The following FCAR variants were observed in gnomAD, a reference collection of about 807,000 sequenced individuals.
FCAR encodes immunoglobulin alpha Fc receptor.
A neutral mutation model predicts 27.1 loss-of-function variants in FCAR; 21 were observed. The observed-to-expected ratio is 0.77, with a 90% CI of 0.55 to 1.11. The LOEUF (loss-of-function observed/expected upper bound fraction) is 1.11. Ranked by LOEUF, FCAR falls within the 50% of genes most tolerant of loss-of-function variation. The pLI, the probability that FCAR is intolerant of heterozygous loss-of-function variation, is 0.00. For synonymous variants in FCAR, 134 were observed against 135.8 expected, an observed-to-expected ratio of 0.99 and a Z score of 0.09; for missense variants, 404 against 358.4, an observed-to-expected ratio of 1.13 and a Z score of -1.03.
rs2066856298 is a variant in FCAR at position 54,888,120 on chromosome 19, G to C, written c.475G>C (p.Ala159Pro). 2 of 1,613,942 alleles carry C rather than the reference G, an allele frequency of 1.2e-6. No individual in the cohort carries two copies. The highest frequency in any genetic ancestry group is 3.3e-5 in the Admixed American group (2 of 59,980). ...AHIPFDRFSL[A>P]KEGELSLPQH... ...CATCCCATTTGATAGATTTTCACTG[G>C]CCAAGGAGGGAGAACTTTCTCTGCC... Residue 159 changes from alanine (A) to proline (P), a missense_variant, in exon 4 of 5, where the codon GCC becomes CCC. Transcript: ENST00000355524.
chr19:54,882,794 G>A (rs1009448359), intron 2 of FCAR, among the ~76,000 whole-genome samples: 4 of 152,184 alleles, frequency 2.6e-5, no homozygotes, highest in Non-Finnish European at 2.9e-5. Context: ...CTGTGATGTC[G>A]GTTGAGTACA....
chr19:54,888,067 A>G lies in FCAR; in HGVS notation c.422A>G (p.Asn141Ser), dbSNP rs1343415406. The G allele has an allele frequency of 6.2e-7, 1 of 1,613,904 alleles. No homozygotes were observed. The highest frequency in any genetic ancestry group is 1.3e-5 in the African/African-American group (1 of 74,914). Residue 141 changes from asparagine (N) to serine (S), a missense_variant, in exon 4 of 5, where the codon AAT (asparagine) becomes AGT (serine). By Grantham distance (46) the Asn-to-Ser change is conservative. Coordinates refer to ENST00000355524, the MANE Select transcript of FCAR (RefSeq NM_002000.4). ...GGTCTGGTGTTGATGCCAGGAGAGA[A>G]TATTTCCCTCACGTGCAGCTCAGCA... The part of the protein sequence containing the change: ...DRGLVLMPGE[N>S]ISLTCSSAHI...
Position 54,890,801 on chromosome 19 carries a change from C to T in FCAR, c.*938C>T, listed in dbSNP as rs2067039082. 2 of 151,888 alleles carry T rather than the reference C, an allele frequency of 1.3e-5. No homozygotes were observed. The highest frequency in any genetic ancestry group is 4.2e-4 in the South Asian group (2 of 4,808). 9.4% of individuals were successfully genotyped at this position (151,888 alleles called of 1,614,324 possible). ...AAGCATGCCAAATATATTCAATAAC[C>T]CCCCTCCTTTATTTTTTTTTGTTGA... is the stretch of plus-strand genomic sequence containing the variant. On this transcript the variant is annotated 3_prime_UTR_variant, in exon 5 of 5. Transcript: ENST00000355524.
rs587769066 is a variant in FCAR, at chr19:54,886,598, G to A, written c.361+1073G>A. Among the ~76,000 whole-genome samples the A allele has an allele frequency of 2.0e-4, 31 of 152,058 alleles. No homozygotes were observed. The South Asian group carries it at 6.0e-3, about 29-fold the overall frequency. ...TGGGATTACTGGCGTGAGCCACCAC[G>A]CCCGGCCCCCGAAAATGCTGGGATT... On this transcript the variant is annotated intron_variant, in intron 3 of 4. Coordinates refer to ENST00000355524, the MANE Select transcript of FCAR (RefSeq NM_002000.4).
intron 2 of FCAR, among the ~76,000 whole-genome samples, chr19:54,882,438 T>G: frequency 6.8e-6 from 1 of 146,992 alleles, no homozygotes; most frequent in Non-Finnish European, 1.5e-5. Context: ...TTTTTTTTCT[T>G]TTTTTTTTCT....
chr19:54,885,669 C>T (rs925093000), intron 3 of FCAR, 144 bp downstream of exon 3: 2 of 622,058 alleles, frequency 3.2e-6, no homozygotes, highest in African/African-American at 3.7e-5. Context: ...CACCCCACTT[C>T]CCCCAGAGTT....
rs2066874870 is a variant in FCAR at position 54,888,300 on chromosome 19, T to C, written c.649+6T>C. Reference sequence around the variant, plus strand: ...CTTGGAGCTTGTGGTCACAGGTAGGTACCGCCCAGTCCAGCCCTGTGTCTG... The same window carrying C: ...CTTGGAGCTTGTGGTCACAGGTAGGCACCGCCCAGTCCAGCCCTGTGTCTG... On this transcript the variant is annotated splice_donor_region_variant and intron_variant, in intron 4 of 4. Transcript: ENST00000355524. The C allele has an allele frequency of 1.9e-6, 3 of 1,613,588 alleles. No individual in the cohort carries two copies. In the East Asian group the frequency reaches 6.7e-5, roughly 36 times the overall value.
At chr19:54,881,766 GGAGGAGGAT>G (rs1177163660) in intron 2 of FCAR, among the ~76,000 whole-genome samples, 1 of 152,178 alleles carries the variant, frequency 6.6e-6, no homozygotes, top group Non-Finnish European at 1.5e-5. Flanking sequence ...CAGCTACTCG[GGAGGAGGAT>G]GAGGCTGAGG....
At chr19:54,889,591 G>T (rs1381810118) in intron 4 of FCAR, 58 bp from the exon 5 acceptor site, 24 of 1,445,108 alleles carry the variant, frequency 1.7e-5, no homozygotes, top group Admixed American at 5.0e-5. Flanking sequence ...GGGCTCTGGG[G>T]TTGGGATGGA....
intron 3 of FCAR, among the ~76,000 whole-genome samples, chr19:54,887,731 A>G (rs2145928591): frequency 6.6e-6 from 1 of 151,104 alleles, no homozygotes; most frequent in African/African-American, 2.4e-5. Context: ...AGCCTGACCA[A>G]CATGGAGAGA....
rs1414159887 is a variant in FCAR, at chr19:54,888,247, C to G, written c.602C>G (p.Pro201Arg). The change falls in exon 4 of 5, where the codon CCC becomes CGC. Residue 201 changes from proline to arginine, a missense_variant. Physicochemically the swap from Pro to Arg is moderately radical, Grantham distance 103 (BLOSUM62 -2). Transcript: ENST00000355524. ...TGCTACGGTTGGTACAACAGGAGCC[C>G]CTACCTGTGGTCCTTCCCCAGTAAT... ...YRCYGWYNRS[P>R]YLWSFPSNAL... The G allele has an allele frequency of 1.9e-6, 3 of 1,614,126 alleles. No individual in the cohort carries two copies. In the South Asian group the frequency reaches 3.3e-5, roughly 18 times the overall value.
chr19:54,888,068 T>C lies in FCAR; in HGVS notation c.423T>C (p.Asn141=), dbSNP rs1486206680. The C allele has an allele frequency of 3.1e-6, 5 of 1,613,638 alleles. No homozygotes were observed. Among genetic ancestry groups the C allele is most frequent in the Non-Finnish European group, 3.4e-6 (4 of 1,179,670 alleles). The change falls in exon 4 of 5, where the codon AAT becomes AAC. Residue 141 remains asparagine, a synonymous_variant. Transcript: ENST00000355524. Reference sequence around the variant, plus strand: ...GTCTGGTGTTGATGCCAGGAGAGAATATTTCCCTCACGTGCAGCTCAGCAC... The same window carrying C: ...GTCTGGTGTTGATGCCAGGAGAGAACATTTCCCTCACGTGCAGCTCAGCAC... ...DRGLVLMPGE[N]ISLTCSSAHI...
At chr19:54,879,752 C>T (rs2066305598) in intron 2 of FCAR, among the ~76,000 whole-genome samples, 1 of 150,922 alleles carries the variant, frequency 6.6e-6, no homozygotes, top group African/African-American at 2.4e-5. Context: ...GGCGTGATCT[C>T]GGCTCACTGC....
chr19:54,881,540 CTG>C (rs373783015), intron 2 of FCAR, among the ~76,000 whole-genome samples: 3 of 152,162 alleles, frequency 2.0e-5, no homozygotes, highest in Middle Eastern at 3.4e-3. Context: ...GGAGAGGAGA[CTG>C]AGCTCCTCTC....
chr19:54,885,095 C>T (rs2066628112), intron 2 of FCAR, 140 bp from the exon 3 acceptor site: 2 of 715,560 alleles, frequency 2.8e-6, no homozygotes, highest in South Asian at 2.0e-5. Context: ...CGTGAGCTAC[C>T]GCACCCGGCC....
At chr19:54,877,196 C>T (rs1483874388) in intron 2 of FCAR, among the ~76,000 whole-genome samples, 1 of 152,152 alleles carries the variant, frequency 6.6e-6, no homozygotes, top group Non-Finnish European at 1.5e-5. Flanking sequence ...CTTTATATAT[C>T]AGATGGGATT....
Position 54,885,359 on chromosome 19 carries a change from C to T in FCAR, c.195C>T (p.Asn65=). Residue 65 remains asparagine (N), a synonymous_variant, in exon 3 of 5, where the codon AAC becomes AAT. Coordinates refer to ENST00000355524, the MANE Select transcript of FCAR (RefSeq NM_002000.4). ...AYLTQLMIIK[N]STYREIGRRL... Reference sequence around the variant, plus strand: ...TGACCCAGCTGATGATCATAAAAAACTCCACGTACCGAGAGATAGGCAGAA... The same window carrying T: ...TGACCCAGCTGATGATCATAAAAAATTCCACGTACCGAGAGATAGGCAGAA... 1 of 1,614,140 alleles carries T rather than the reference C, an allele frequency of 6.2e-7. No homozygotes were observed. The highest frequency in any genetic ancestry group is 8.5e-7 in the Non-Finnish European group (1 of 1,180,034).
Position 54,875,326 on chromosome 19 carries a change from C to A in FCAR, c.35-4C>A. The A allele has an allele frequency of 6.2e-7, 1 of 1,613,368 alleles. No individual in the cohort carries two copies. Among genetic ancestry groups the A allele is most frequent in the Non-Finnish European group, 8.5e-7 (1 of 1,179,590 alleles). On this transcript the variant is annotated splice_region_variant and splice_polypyrimidine_tract_variant and intron_variant, in intron 1 of 4. Transcript: ENST00000355524. ...TTGATTTTTCATAAATCTCTCTCTT[C>A]CAGTGCTCTGTCTGGGCCAGAGGAT...
At chr19:54,877,011 T>C (rs2066136856) in intron 2 of FCAR, among the ~76,000 whole-genome samples, 1 of 152,230 alleles carries the variant, frequency 6.6e-6, no homozygotes, top group Non-Finnish European at 1.5e-5. Flanking sequence ...TAGTATTTTG[T>C]TGAGGATTTT....
Sources: gnomAD v4.1 joint callset for allele counts (sites outside exome capture counted in the v4.1 genomes callset) on GRCh38, gnomAD v4.1.1 for gene constraint, MANE v1.5 for transcripts, NCBI Gene and HGNC (gene_info 2026-07-23, HGNC 2026-07-21) for gene names.